The following PVT1 variants were observed in gnomAD, a reference collection of about 807,000 sequenced individuals.
PVT1 encodes the protein Pvt1 oncogene.
chr8:127,968,448 G>A (rs917909734), intron 3 of PVT1, among the ~76,000 whole-genome samples: 1 of 152,146 alleles, frequency 6.6e-6, no homozygotes, highest in Non-Finnish European at 1.5e-5. Context: ...CAGCACTGAC[G>A]TGGATGCAGA....
chr8:127,866,020 C>T (rs368670044), intron 2 of PVT1, among the ~76,000 whole-genome samples: 2 of 152,190 alleles, frequency 1.3e-5, no homozygotes, highest in African/African-American at 4.8e-5. Context: ...AATTCACATG[C>T]CCATGGCTTC....
At chr8:127,882,460 T>C (rs1311764512) in intron 2 of PVT1, among the ~76,000 whole-genome samples, 1 of 152,040 alleles carries the variant, frequency 6.6e-6, no homozygotes, top group Non-Finnish European at 1.5e-5. Flanking sequence ...GGAGACATCG[T>C]CTTTTTGGCA....
At chr8:127,841,730 T>G (rs1332615803) in intron 2 of PVT1, among the ~76,000 whole-genome samples, 2 of 151,724 alleles carry the variant, frequency 1.3e-5, no homozygotes, top group African/African-American at 2.4e-5. Flanking sequence ...CATCTGCTTT[T>G]TTTTTTCTTC....
intron 2 of PVT1, among the ~76,000 whole-genome samples, chr8:127,837,084 T>G (rs916466021): frequency 6.6e-6 from 1 of 152,148 alleles, no homozygotes; most frequent in African/African-American, 2.4e-5. Flanking sequence ...GTCTGGGAAG[T>G]GGCAGCGCTC....
chr8:128,056,813 C>T (rs1813767816), intron 4 of PVT1, among the ~76,000 whole-genome samples: 1 of 152,240 alleles, frequency 6.6e-6, no homozygotes, highest in Non-Finnish European at 1.5e-5. Flanking sequence ...ATAGAAACGT[C>T]ATAGGCGCTT....
chr8:127,879,650 C>T (rs527559378), intron 2 of PVT1, among the ~76,000 whole-genome samples: 1 of 152,358 alleles, frequency 6.6e-6, no homozygotes, highest in East Asian at 1.9e-4. Context: ...CATACTTGGG[C>T]TTTGCTGTGC....
chr8:127,971,165 T>A (rs1339324989), intron 3 of PVT1, among the ~76,000 whole-genome samples: 1 of 152,210 alleles, frequency 6.6e-6, no homozygotes, highest in African/African-American at 2.4e-5. Context: ...GTCGGAGCTA[T>A]TTTTTTATGG....
At chr8:128,082,190 A>G (rs965672594) in intron 5 of PVT1, among the ~76,000 whole-genome samples, 1 of 152,252 alleles carries the variant, frequency 6.6e-6, no homozygotes, top group Non-Finnish European at 1.5e-5. Context: ...TTACACTCAT[A>G]GCTGCCCCTT....
intron 2 of PVT1, among the ~76,000 whole-genome samples, chr8:127,889,205 C>T (rs1300691866): frequency 1.3e-5 from 2 of 151,754 alleles, no homozygotes; most frequent in Non-Finnish European, 2.9e-5. Flanking sequence ...TCTTGGCTCA[C>T]TGCAACCTCC....
rs368894030 is a variant in PVT1, at chr8:127,837,395, GT to G, written n.372+41337del. The stretch of plus-strand genomic sequence containing the variant: ...TATCACTGAAGCGTTTTTTGTTGTT[GT>G]TTTTTTTTTTTTGAATACCGGAAAT... On this transcript the variant is annotated intron_variant and non_coding_transcript_variant, in intron 2 of 10. Transcript: ENST00000651587. Among the ~76,000 whole-genome samples, 1,105 of 140,802 alleles carry G rather than the reference GT, an allele frequency of 7.8e-3. 16 individuals carry two copies. Among genetic ancestry groups the G allele is most frequent in the African/African-American group, 0.026 (1,006 of 38,436 alleles). The allele number at this position is 140,802 out of a possible 152,430, so 92.4% of individuals were successfully genotyped here. A position where few individuals can be genotyped will look rare whatever the true frequency, so the allele number is the denominator to read the frequency against.
At chr8:127,927,470 C>G (rs1399459958) in intron 3 of PVT1, among the ~76,000 whole-genome samples, 1 of 152,190 alleles carries the variant, frequency 6.6e-6, no homozygotes, top group African/African-American at 2.4e-5. Flanking sequence ...CATTTAAATG[C>G]TACCTCTTCC....
At chr8:127,847,462 T>C (rs1022666919) in intron 2 of PVT1, among the ~76,000 whole-genome samples, 1 of 152,218 alleles carries the variant, frequency 6.6e-6, no homozygotes, top group African/African-American at 2.4e-5. Context: ...CATCTCATGT[T>C]GGGACATTGG....
intron 2 of PVT1, among the ~76,000 whole-genome samples, chr8:127,839,625 C>A (rs1814950520): frequency 6.7e-6 from 1 of 149,946 alleles, no homozygotes; most frequent in African/African-American, 2.5e-5. Flanking sequence ...AGAGCTGGGA[C>A]TTGAAGCCAG....
At chr8:127,888,533 G>A (rs987610077) in intron 2 of PVT1, among the ~76,000 whole-genome samples, 1 of 152,244 alleles carries the variant, frequency 6.6e-6, no homozygotes, top group African/African-American at 2.4e-5. Flanking sequence ...ATGCTAGTAA[G>A]GCTAAGGACC....
intron 3 of PVT1, among the ~76,000 whole-genome samples, chr8:127,973,213 C>A (rs1167258172): frequency 2.0e-5 from 3 of 152,126 alleles, no homozygotes; most frequent in South Asian, 2.1e-4. Flanking sequence ...TGCATTTAGT[C>A]ATTTACCTGT....
chr8:128,041,383 A>AT (rs2130088649), intron 4 of PVT1, among the ~76,000 whole-genome samples: 1 of 135,238 alleles, frequency 7.4e-6, no homozygotes, highest in East Asian at 2.3e-4. Context: ...TTGTGTGCAT[A>AT]TGTGTATGTG....
At chr8:128,019,740 G>A (rs1485440535) in intron 4 of PVT1, among the ~76,000 whole-genome samples, 1 of 152,186 alleles carries the variant, frequency 6.6e-6, no homozygotes, top group Non-Finnish European at 1.5e-5. Context: ...TTTCCATGAA[G>A]GCTCACTGTG....
intron 5 of PVT1, among the ~76,000 whole-genome samples, chr8:128,076,423 A>G (rs1814090668): frequency 6.6e-6 from 1 of 152,190 alleles, no homozygotes; most frequent in Non-Finnish European, 1.5e-5. Flanking sequence ...CATGAGTGGC[A>G]AGGAATGTAT....
chr8:128,022,014 T>G (rs1253132823), intron 4 of PVT1, among the ~76,000 whole-genome samples: 2 of 152,292 alleles, frequency 1.3e-5, no homozygotes, highest in South Asian at 4.1e-4. Context: ...ATCATGCCAC[T>G]GCACCCCAGC....
Sources: gnomAD v4.1 joint callset for allele counts (sites outside exome capture counted in the v4.1 genomes callset) on GRCh38, gnomAD v4.1.1 for gene constraint, MANE v1.5 for transcripts, NCBI Gene and HGNC (gene_info 2026-07-23, HGNC 2026-07-21) for gene names.